The following TMTC4 variants were observed in gnomAD, a reference collection of about 807,000 sequenced individuals.
TMTC4 encodes the protein transmembrane O-mannosyltransferase targeting cadherins 4, also known as protein O-mannosyl-transferase TMTC4.
TMTC4 carries 65 observed loss-of-function variants against 86.0 expected under a neutral mutation model. That is an observed-to-expected ratio of 0.76 (90% CI 0.62 to 0.93). TMTC4 has a LOEUF of 0.93. Among genes scored for constraint, TMTC4 ranks in the 40% least tolerant of loss-of-function variants. The pLI is 0.00. For synonymous variants in TMTC4, 379 were observed against 382.5 expected (o/e 0.99, Z 0.11); for missense variants, 866 against 948.1 (o/e 0.91, Z 1.14).
chr13:100,621,369 G>GT (rs1879441072), intron 15 of TMTC4, among the ~76,000 whole-genome samples: 1 of 152,106 alleles, frequency 6.6e-6, no homozygotes, highest in Non-Finnish European at 1.5e-5. Context: ...GAGCAATAAA[G>GT]TAACAGAAGA....
Position 100,604,961 on chromosome 13 carries a change from C to T in TMTC4, c.*33G>A, listed in dbSNP as rs1252145165. The T allele has an allele frequency of 1.9e-6, 3 of 1,607,038 alleles. No individual in the cohort carries two copies. The highest frequency in any genetic ancestry group is 2.5e-6 in the Non-Finnish European group (3 of 1,177,004). On this transcript the variant is annotated 3_prime_UTR_variant, in exon 19 of 19. Coordinates refer to ENST00000342624, the MANE Select transcript of TMTC4 (RefSeq NM_032813.5). Reference sequence around the variant, plus strand: ...ATTAATGATATGCCTCATGCACACACACACTCAAACTCAAAACATGAAGGA... The same window carrying T: ...ATTAATGATATGCCTCATGCACACATACACTCAAACTCAAAACATGAAGGA...
chr13:100,662,488 A>G (rs1414794321), intron 5 of TMTC4, among the ~76,000 whole-genome samples: 3 of 152,034 alleles, frequency 2.0e-5, no homozygotes, highest in Non-Finnish European at 4.4e-5. Flanking sequence ...CAGCGTTTTC[A>G]TAACAAGCAT....
intron 7 of TMTC4, among the ~76,000 whole-genome samples, chr13:100,640,463 C>A (rs1882868090): frequency 6.6e-6 from 1 of 152,182 alleles, no homozygotes; most frequent in African/African-American, 2.4e-5. Context: ...ATAGATACAA[C>A]CTAATAAAAC....
At chr13:100,617,238 G>A (rs1878648728) in intron 15 of TMTC4, among the ~76,000 whole-genome samples, 2 of 152,094 alleles carry the variant, frequency 1.3e-5, no homozygotes, top group African/African-American at 4.8e-5. Flanking sequence ...GGGATCAAGC[G>A]ATCCTCCCAC....
At chr13:100,614,489 G>C in intron 15 of TMTC4, 59 bp from the exon 16 acceptor site, 17 of 937,854 alleles carry the variant, frequency 1.8e-5, no homozygotes, top group Non-Finnish European at 2.6e-5. Context: ...CTCTTTCCAA[G>C]ACATTATTAA....
intron 5 of TMTC4, 92 bp from the exon 6 acceptor site, chr13:100,656,560 T>TTTTTTTTTTTTTTTTTTTTTTTG (rs1885145547): frequency 1.5e-6 from 1 of 674,320 alleles, no homozygotes; most frequent in Admixed American, 4.7e-5. Context: ...TTTTTTTTTT[T>TTTTTTTTTTTTTTTTTTTTTTTG]GCGACAGGGT....
chr13:100,612,657 A>G lies in TMTC4; in HGVS notation c.1952-147T>C, dbSNP rs74114801. ...AAAATCTGTGTAGATCATGTAATACACACACACACACACACACACACACAC... is the reference window on the plus strand; with the variant it reads ...AAAATCTGTGTAGATCATGTAATACGCACACACACACACACACACACACAC... On this transcript the variant is annotated intron_variant, in intron 16 of 18. Coordinates refer to ENST00000342624, the MANE Select transcript of TMTC4 (RefSeq NM_032813.5). 1.6e-3 allele frequency: 138 copies of G among 86,954 alleles called. 2 individuals carry two copies. Among genetic ancestry groups the G allele is most frequent in the African/African-American group, 5.2e-3 (65 of 12,460 alleles). The allele number at this position is 86,954 out of a possible 1,614,324, so 5.4% of individuals were successfully genotyped here. A position where few individuals can be genotyped will look rare whatever the true frequency, so the allele number is the denominator to read the frequency against.
chr13:100,610,088 A>G (rs1877324739), intron 17 of TMTC4, among the ~76,000 whole-genome samples: 1 of 152,220 alleles, frequency 6.6e-6, no homozygotes, highest in Non-Finnish European at 1.5e-5. Flanking sequence ...CTCGGCTCCA[A>G]CCTCAAGAAG....
chr13:100,604,928 C>A lies in TMTC4; in HGVS notation c.*66G>T. ...AGACTTTTAAATGGTTAAATGTAAC[C>A]ACATACTATTAATGATATGCCTCAT... is the stretch of plus-strand genomic sequence containing the variant. On this transcript the variant is annotated 3_prime_UTR_variant, in exon 19 of 19. Coordinates refer to ENST00000342624, the MANE Select transcript of TMTC4 (RefSeq NM_032813.5). The A allele has an allele frequency of 2.0e-6, 3 of 1,507,632 alleles. No homozygotes were observed. The highest frequency in any genetic ancestry group is 2.2e-5 in the Admixed American group (1 of 44,676). 93.4% of individuals were successfully genotyped at this position (1,507,632 alleles called of 1,614,324 possible). A position where few individuals can be genotyped will look rare whatever the true frequency, so the allele number is the denominator to read the frequency against.
rs1157448678 is a variant in TMTC4 at position 100,635,078 on chromosome 13, G to A, written c.1320C>T (p.Tyr440=). ...CGAATCCAAAAGTCAGCAGCACACAGTACCCAACGCTGGGGAGGTAGAGGA... is the reference window on the plus strand; with the variant it reads ...CGAATCCAAAAGTCAGCAGCACACAATACCCAACGCTGGGGAGGTAGAGGA... ...ERVLYLPSVG[Y]CVLLTFGFGA... The change falls in exon 11 of 19, where the codon TAC becomes TAT. Residue 440 remains tyrosine, a synonymous_variant. Coordinates refer to ENST00000342624, the MANE Select transcript of TMTC4 (RefSeq NM_032813.5). The A allele has an allele frequency of 2.5e-6, 4 of 1,614,006 alleles. No individual in the cohort carries two copies. In the Admixed American group the frequency reaches 6.7e-5, roughly 27 times the overall value.
intron 15 of TMTC4, chr13:100,625,176 C>A: frequency 3.9e-6 from 1 of 255,798 alleles, no homozygotes; most frequent in African/African-American, 2.2e-5. Context: ...TTACTTTAAT[C>A]TCTGTTCTTA....
Position 100,604,438 on chromosome 13 carries a change from C to T in TMTC4, c.*556G>A, listed in dbSNP as rs1876273662. On this transcript the variant is annotated 3_prime_UTR_variant, in exon 19 of 19. Coordinates refer to ENST00000342624, the MANE Select transcript of TMTC4 (RefSeq NM_032813.5). ...ATACTATGTTAAAACTTCCATTCCT[C>T]ATTCGATTATTTGCCCTATTCAAAA... The T allele has an allele frequency of 1.3e-5, 2 of 152,214 alleles. No homozygotes were observed. Among genetic ancestry groups the T allele is most frequent in the Admixed American group, 1.3e-4 (2 of 15,274 alleles). 9.4% of individuals were successfully genotyped at this position (152,214 alleles called of 1,614,324 possible).
intron 16 of TMTC4, among the ~76,000 whole-genome samples, chr13:100,613,373 G>C (rs1877946039): frequency 6.6e-6 from 1 of 152,130 alleles, no homozygotes; most frequent in Non-Finnish European, 1.5e-5. Context: ...AAAGACGTTT[G>C]GATTTTTAAA....
chr13:100,674,184 G>T (rs1594402160), intron 1 of TMTC4: 6 of 796,388 alleles, frequency 7.5e-6, no homozygotes, highest in Non-Finnish European at 9.1e-6. Context: ...GCCCGGGCCG[G>T]TGGCCCCGCG....
intron 17 of TMTC4, among the ~76,000 whole-genome samples, chr13:100,606,636 A>G (rs764774197): frequency 3.5e-4 from 53 of 152,222 alleles, no homozygotes; most frequent in Admixed American, 1.0e-3. Context: ...GGCCGCAGAG[A>G]GGGGATGAAC....
In TMTC4 at chr13:100,668,781, T is replaced by C. The variant is rs749347669; in HGVS notation, c.17A>G (p.His6Arg). The C allele has an allele frequency of 8.0e-5, 129 of 1,614,178 alleles. No individual in the cohort carries two copies. The East Asian group carries it at 2.7e-3, about 33-fold the overall frequency. MIPNQ[H>R]NAGAGSHQPA... ...TTGGTGGCTCCCGGCTCCAGCATTA[T>C]GCTGGTTAGGAATCTGCAGGAAAAA... Residue 6 changes from histidine to arginine, a missense_variant, in exon 3 of 19, where the codon CAT becomes CGT. By Grantham distance (29) the His-to-Arg change is conservative. Coordinates refer to ENST00000342624, the MANE Select transcript of TMTC4 (RefSeq NM_032813.5).
At chr13:100,627,911 G>C (rs1368359870) in intron 12 of TMTC4, among the ~76,000 whole-genome samples, 1 of 152,190 alleles carries the variant, frequency 6.6e-6, no homozygotes, top group Non-Finnish European at 1.5e-5. Flanking sequence ...AGTCCTAGGA[G>C]AGAGGTCAGC....
intron 15 of TMTC4, among the ~76,000 whole-genome samples, chr13:100,617,141 A>T (rs1394743310): frequency 1.5e-5 from 2 of 134,730 alleles, no homozygotes; most frequent in African/African-American, 2.8e-5. Flanking sequence ...TTTTTTTTTT[A>T]AAGACAGGGT....
chr13:100,663,070 A>C lies in TMTC4; in HGVS notation c.446T>G (p.Phe149Cys). The C allele has an allele frequency of 6.2e-7, 1 of 1,614,238 alleles. No individual in the cohort carries two copies. Among genetic ancestry groups the C allele is most frequent in the Non-Finnish European group, 8.5e-7 (1 of 1,180,036 alleles). Residue 149 changes from phenylalanine (F) to cysteine (C), a missense_variant, in exon 5 of 19, where the codon TTT becomes TGT. Phe to Cys is a radical substitution (Grantham distance 205). Coordinates refer to ENST00000342624, the MANE Select transcript of TMTC4 (RefSeq NM_032813.5). ...TTTACTGGTGTACTGCAGGCCGCCA[A>C]ACAGAACCGAGAAGACGTCCACCAT... ...VLMVDVFSVL[F>C]GGLQYTSKGR...
Sources: allele counts gnomAD v4.1 joint callset (sites outside exome capture counted in the v4.1 genomes callset), GRCh38; gene constraint gnomAD v4.1.1; transcripts MANE v1.5; gene names NCBI Gene and HGNC (gene_info 2026-07-23, HGNC 2026-07-21).